Variants in POLR2B observed in about 807,000 individuals in gnomAD.
The protein encoded by POLR2B is DNA-directed RNA polymerase II subunit RPB2.
POLR2B carries 57 observed loss-of-function variants against 144.6 expected under a neutral mutation model. That is an observed-to-expected ratio of 0.39 (90% CI 0.32 to 0.49). POLR2B has a LOEUF of 0.49. POLR2B is among the 20% of genes least tolerant of loss of function. POLR2B has a pLI of 0.83. For missense variants in POLR2B, 595 were observed against 1,467.4 expected, an observed-to-expected ratio of 0.41 and a Z score of 9.71; for synonymous variants, 442 against 469.8, an observed-to-expected ratio of 0.94 and a Z score of 0.77.
chr4:56,994,880 A>G lies in POLR2B; in HGVS notation c.576+14A>G, dbSNP rs7659855. 91,298 of 1,355,380 alleles carry G rather than the reference A, an allele frequency of 0.067. 3,583 individuals are homozygous for G. The highest frequency in any genetic ancestry group is 0.098 in the Middle Eastern group (486 of 4,982). The allele number at this position is 1,355,380 out of a possible 1,614,324, so 84.0% of individuals were successfully genotyped here. A position where few individuals can be genotyped will look rare whatever the true frequency, so the allele number is the denominator to read the frequency against. On this transcript the variant is annotated intron_variant, in intron 5 of 24. Transcript: ENST00000314595. ...GGATCAGAAAAGGTATAGTAACATT[A>G]TTTTAAAAAATTACAAAATGGTAGT...
chr4:57,015,028 A>G (rs1477520728), intron 13 of POLR2B, among the ~76,000 whole-genome samples: 2 of 152,186 alleles, frequency 1.3e-5, no homozygotes, highest in East Asian at 3.8e-4. Context: ...TAGCTAGACT[A>G]TAAGCCATTT....
At chr4:56,992,185 C>T (rs573292429) in intron 3 of POLR2B, among the ~76,000 whole-genome samples, 27 of 151,942 alleles carry the variant, frequency 1.8e-4, no homozygotes, top group African/African-American at 4.3e-4. Flanking sequence ...TTGGTGTGGC[C>T]GGTGCGATGG....
chr4:56,979,880 C>CA (rs1352977853), intron 1 of POLR2B, among the ~76,000 whole-genome samples: 3 of 134,628 alleles, frequency 2.2e-5, no homozygotes, highest in African/African-American at 8.3e-5. Context: ...GCCTGAGTGA[C>CA]AGAGTTAGAC....
At chr4:57,022,129 C>T (rs1250064083) in intron 17 of POLR2B, 23 bp from the exon 18 acceptor site, 10 of 1,403,608 alleles carry the variant, frequency 7.1e-6, no homozygotes, top group Non-Finnish European at 1.0e-5. Context: ...ATAGACTTTA[C>T]CTTTAGAACC....
intron 7 of POLR2B, among the ~76,000 whole-genome samples, chr4:57,000,601 A>G (rs1465229174): frequency 6.6e-6 from 1 of 152,172 alleles, no homozygotes; most frequent in Non-Finnish European, 1.5e-5. Context: ...TCTTACTCCT[A>G]AAGACTTCAG....
chr4:56,984,599 A>T (rs923696901), intron 1 of POLR2B, among the ~76,000 whole-genome samples: 1 of 152,156 alleles, frequency 6.6e-6, no homozygotes, highest in Non-Finnish European at 1.5e-5. Flanking sequence ...GTTAACTTTT[A>T]ATCTCTCATC....
At chr4:57,010,625 T>C (rs925728716) in intron 11 of POLR2B, 121 bp downstream of exon 11, 6 of 1,347,112 alleles carry the variant, frequency 4.5e-6, no homozygotes, top group Non-Finnish European at 6.1e-6. Context: ...AAGTTTTTTT[T>C]ATAATTGTAT....
intron 10 of POLR2B, among the ~76,000 whole-genome samples, chr4:57,009,249 G>A (rs79035625): frequency 0.02 from 3,104 of 152,224 alleles, 106 homozygotes; most frequent in African/African-American, 0.071. Flanking sequence ...TTGTAGAGGT[G>A]GTATCATTTC....
At chr4:57,018,029 A>C (rs1353632396) in intron 16 of POLR2B, among the ~76,000 whole-genome samples, 1 of 152,168 alleles carries the variant, frequency 6.6e-6, no homozygotes, top group Non-Finnish European at 1.5e-5. Context: ...GGGTATTTGC[A>C]TTTGAGAGGT....
intron 11 of POLR2B, 82 bp from the exon 12 acceptor site, chr4:57,010,666 A>G: frequency 7.2e-7 from 1 of 1,383,468 alleles, no homozygotes; most frequent in Non-Finnish European, 9.9e-7. Context: ...TCTTGAAATC[A>G]CATTGAAGGA....
At chr4:57,021,086 G>A (rs13146153) in intron 17 of POLR2B, 91 bp downstream of exon 17, 167,588 of 746,430 alleles carry the variant, frequency 0.22, 21,551 homozygotes, top group Middle Eastern at 0.32. Flanking sequence ...GTTTAACTAC[G>A]CCGCACTCCA....
chr4:57,005,786 T>C, intron 9 of POLR2B, 67 bp downstream of exon 9: 2 of 1,448,378 alleles, frequency 1.4e-6, no homozygotes, highest in South Asian at 2.4e-5. Context: ...GATCATTGCA[T>C]ATGGCCAGGC....
At chr4:56,984,256 C>T (rs1722248085) in intron 1 of POLR2B, among the ~76,000 whole-genome samples, 1 of 152,102 alleles carries the variant, frequency 6.6e-6, no homozygotes, top group Non-Finnish European at 1.5e-5. Context: ...CCCAGATATC[C>T]TGCCTTCAGC....
intron 13 of POLR2B, among the ~76,000 whole-genome samples, chr4:57,015,202 T>G (rs1424112031): frequency 6.6e-6 from 1 of 152,172 alleles, no homozygotes; most frequent in Non-Finnish European, 1.5e-5. Flanking sequence ...AAATAAGAAA[T>G]TGTCACATAC....
At chr4:56,988,770 A>G (rs185501127) in intron 2 of POLR2B, among the ~76,000 whole-genome samples, 2 of 152,334 alleles carry the variant, frequency 1.3e-5, no homozygotes, top group East Asian at 1.9e-4. Context: ...TGGGTGTTAA[A>G]CACCAAGAGA....
chr4:56,993,013 G>A (rs529361012), intron 3 of POLR2B, among the ~76,000 whole-genome samples: 116 of 152,086 alleles, frequency 7.6e-4, no homozygotes, highest in Non-Finnish European at 1.3e-3. Flanking sequence ...ATAGAAAGAG[G>A]CTAGAGGAGG....
At position 57,017,383 on chromosome 4, in the gene POLR2B, T is replaced by C; in HGVS notation, c.2154+142T>C. 1 of 787,602 alleles carries C rather than the reference T, an allele frequency of 1.3e-6. No homozygotes were observed. The highest frequency in any genetic ancestry group is 2.1e-6 in the Non-Finnish European group (1 of 480,390). 48.8% of individuals were successfully genotyped at this position (787,602 alleles called of 1,614,324 possible). A position where few individuals can be genotyped will look rare whatever the true frequency, so the allele number is the denominator to read the frequency against. ...CCTACGGAATCAGTATTTGATATAA[T>C]TGCTGTTGTGTTTCATGGTTAAGAG... is the stretch of plus-strand genomic sequence containing the variant. On this transcript the variant is annotated intron_variant, in intron 15 of 24. Transcript: ENST00000314595. This position sits in a 1 kb window ranked among gnomAD's most constrained non-coding sequence, Gnocchi z 4.8.
intron 13 of POLR2B, among the ~76,000 whole-genome samples, chr4:57,012,329 C>T (rs999400154): frequency 2.0e-5 from 3 of 152,018 alleles, no homozygotes; most frequent in South Asian, 2.1e-4. Flanking sequence ...TGCTTAAATC[C>T]GGGAGGCAGA....
chr4:57,005,356 A>T lies in POLR2B; in HGVS notation c.1011A>T (p.Lys337Asn). Residue 337 changes from lysine to asparagine, a missense_variant, in exon 8 of 25, where the codon AAA (lysine) becomes AAT (asparagine). Lys to Asn is a moderately conservative substitution (Grantham distance 94). Coordinates refer to ENST00000314595, the MANE Select transcript of POLR2B (RefSeq NM_000938.3). The part of the protein sequence containing the change: ...KPGVTKEKRI[K>N]YAKEVLQKEM... Reference sequence around the variant, plus strand: ...GTGTTACTAAAGAGAAAAGAATTAAATATGCAAAGGAAGTTTTACAAAAAG... The same window carrying T: ...GTGTTACTAAAGAGAAAAGAATTAATTATGCAAAGGAAGTTTTACAAAAAG... 6.2e-7 allele frequency: 1 copy of T among 1,610,464 alleles called. No homozygotes were observed. Among genetic ancestry groups the T allele is most frequent in the Non-Finnish European group, 8.5e-7 (1 of 1,178,722 alleles).
Sources: gnomAD v4.1 joint callset for allele counts (sites outside exome capture counted in the v4.1 genomes callset) on GRCh38, gnomAD v4.1.1 for gene constraint, Gnocchi (gnomAD v3.1) non-coding constraint, MANE v1.5 for transcripts, NCBI Gene and HGNC (gene_info 2026-07-23, HGNC 2026-07-21) for gene names.